VDAC2: variants seen among roughly 807,000 people sequenced by gnomAD.
VDAC2 encodes the protein non-selective voltage-gated ion channel VDAC2.
In VDAC2, 6 loss-of-function variants were observed where a neutral mutation model predicts 36.6. That is an observed-to-expected ratio of 0.16 (90% confidence interval 0.09 to 0.32). The LOEUF is 0.32. Among genes scored for constraint, VDAC2 ranks in the 10% least tolerant of loss-of-function variants. VDAC2 has a pLI of 1.00. For synonymous variants in VDAC2, 109 were observed against 123.8 expected (o/e 0.88, Z 0.79); for missense variants, 247 against 346.0 (o/e 0.71, Z 2.27).
chr10:75,211,242 T>C (rs1841409258), intron 2 of VDAC2, 53 bp downstream of exon 2: 1 of 1,598,482 alleles, frequency 6.3e-7, no homozygotes, highest in African/African-American at 1.3e-5. Flanking sequence ...TCGAAGCCTG[T>C]CGACCAGAAA....
chr10:75,227,768 G>A (rs1842000296), intron 8 of VDAC2, among the ~76,000 whole-genome samples: 1 of 151,280 alleles, frequency 6.6e-6, no homozygotes, highest in African/African-American at 2.4e-5. Context: ...TGTAGTTTTA[G>A]TAGAGACGGG....
chr10:75,220,829 C>G lies in VDAC2; in HGVS notation c.443C>G (p.Ala148Gly). 6.2e-7 allele frequency: 1 copy of G among 1,613,486 alleles called. No homozygotes were observed. The highest frequency in any genetic ancestry group is 8.5e-7 in the Non-Finnish European group (1 of 1,179,462). The change falls in exon 7 of 10, where the codon GCA becomes GGA. Residue 148 changes from alanine (A) to glycine (G), a missense_variant. This residue lies in a region of VDAC2 where 159 missense variants were observed against 234.0 expected (regional missense o/e 0.68). Coordinates refer to ENST00000332211, the MANE Select transcript of VDAC2 (RefSeq NM_001391963.1). ...GTTGACTTTGATTTTGCTGGACCTG[C>G]AATCCATGGTTCAGCTGTCTTTGGT... Reference protein sequence around the residue: ...CDVDFDFAGPAIHGSAVFGYE... With the variant: ...CDVDFDFAGPGIHGSAVFGYE...
intron 3 of VDAC2, among the ~76,000 whole-genome samples, chr10:75,213,359 C>T (rs1211628215): frequency 1.3e-5 from 2 of 152,192 alleles, no homozygotes; most frequent in African/African-American, 2.4e-5. Flanking sequence ...GGATTTCAGG[C>T]GTGGGCCACC....
chr10:75,217,879 ACT>A (rs1301006987), intron 4 of VDAC2: 1 of 1,259,300 alleles, frequency 7.9e-7, no homozygotes, highest in Non-Finnish European at 1.0e-6. Context: ...GATATTTCTC[ACT>A]CTACAGATAT....
At position 75,222,396 on chromosome 10, in the gene VDAC2, C is replaced by G. The variant is rs1471023434; in HGVS notation, c.729C>G (p.Ser243=). Residue 243 remains serine, a synonymous_variant, in exon 8 of 10, where the codon TCC becomes TCG. Transcript: ENST00000332211. ...AATATCAGTTGGATCCCACTGCTTC[C>G]ATTTCTGTGAGTACTTTTGTGGACT... The part of the protein sequence containing the change: ...AAKYQLDPTA[S]ISAKVNNSSL... The G allele has an allele frequency of 6.2e-7, 1 of 1,614,006 alleles. No individual in the cohort carries two copies. Among genetic ancestry groups the G allele is most frequent in the Non-Finnish European group, 8.5e-7 (1 of 1,179,966 alleles).
intron 7 of VDAC2, among the ~76,000 whole-genome samples, chr10:75,221,916 A>T (rs949832993): frequency 1.3e-5 from 2 of 152,260 alleles, no homozygotes; most frequent in Non-Finnish European, 2.9e-5. Context: ...AGCTAGGTAT[A>T]TAATCTTTGT....
At chr10:75,223,846 C>T (rs1841887100) in intron 8 of VDAC2, among the ~76,000 whole-genome samples, 1 of 152,118 alleles carries the variant, frequency 6.6e-6, no homozygotes, top group South Asian at 2.1e-4. Context: ...ATAATGAAGC[C>T]TCATGAAAAC....
At chr10:75,218,088 C>CA (rs879352648) in intron 4 of VDAC2, 73,797 of 258,804 alleles carry the variant, frequency 0.29, 6,568 homozygotes, top group East Asian at 0.43. Flanking sequence ...GATGCTGTCT[C>CA]AAAAAAAAAA....
intron 4 of VDAC2, among the ~76,000 whole-genome samples, chr10:75,217,536 C>T (rs999194084): frequency 6.6e-6 from 1 of 152,090 alleles, no homozygotes; most frequent in Non-Finnish European, 1.5e-5. Flanking sequence ...CACCACCATG[C>T]CCGGCTAATT....
At chr10:75,218,979 G>A (rs918921634) in intron 4 of VDAC2, 84 bp from the exon 5 acceptor site, 5 of 1,369,110 alleles carry the variant, frequency 3.7e-6, no homozygotes, top group Non-Finnish European at 3.0e-6. Context: ...TGTTTCAGGG[G>A]GTTTGTGTGT....
chr10:75,211,323 T>C (rs1841412496), intron 2 of VDAC2, 134 bp downstream of exon 2: 3 of 1,414,240 alleles, frequency 2.1e-6, no homozygotes, highest in Admixed American at 2.3e-5. Context: ...CCCCACCGTC[T>C]GACCACCTCC....
chr10:75,230,371 TG>T (rs1842068124), intron 9 of VDAC2, among the ~76,000 whole-genome samples: 1 of 152,204 alleles, frequency 6.6e-6, no homozygotes, highest in Non-Finnish European at 1.5e-5. Context: ...ATTTTATGTC[TG>T]AAACTTCACA....
chr10:75,227,397 G>C (rs1240843520), intron 8 of VDAC2, among the ~76,000 whole-genome samples: 1 of 152,078 alleles, frequency 6.6e-6, no homozygotes, highest in African/African-American at 2.4e-5. Flanking sequence ...TCTCTCTCCA[G>C]GTAGATAGTA....
intron 2 of VDAC2, chr10:75,211,614 G>T (rs1322973447): frequency 1.9e-6 from 3 of 1,550,446 alleles, no homozygotes; most frequent in East Asian, 4.9e-5. Context: ...CAGATTGCCT[G>T]CCCTTAAGCA....
intron 2 of VDAC2, 55 bp downstream of exon 2, chr10:75,211,244 GACCAGAA>G: frequency 6.3e-7 from 1 of 1,596,256 alleles, no homozygotes; most frequent in Non-Finnish European, 8.5e-7. Context: ...GAAGCCTGTC[GACCAGAA>G]ACCCAGTTTG....
intron 6 of VDAC2, among the ~76,000 whole-genome samples, chr10:75,220,498 T>C (rs1455783395): frequency 6.6e-6 from 1 of 152,230 alleles, no homozygotes; most frequent in African/African-American, 2.4e-5. Context: ...GGGCAACTAA[T>C]GTGTTTCTAA....
At position 75,231,061 on chromosome 10, in the gene VDAC2, A is replaced by G; in HGVS notation, c.*72A>G. The G allele has an allele frequency of 8.7e-7, 1 of 1,148,732 alleles. No individual in the cohort carries two copies. The highest frequency in any genetic ancestry group is 1.3e-6 in the Non-Finnish European group (1 of 795,558). The allele number at this position is 1,148,732 out of a possible 1,614,324, so 71.2% of individuals were successfully genotyped here. A position where few individuals can be genotyped will look rare whatever the true frequency, so the allele number is the denominator to read the frequency against. On this transcript the variant is annotated 3_prime_UTR_variant, in exon 10 of 10. Transcript: ENST00000332211. The stretch of plus-strand genomic sequence containing the variant: ...TTAATATATTTCCATTGTGACCAGC[A>G]GCAGGCTTTTTTCCCCCAAGAAGAT...
chr10:75,229,815 C>T (rs1023077029), intron 9 of VDAC2, 114 bp downstream of exon 9: 13 of 707,708 alleles, frequency 1.8e-5, no homozygotes, highest in Non-Finnish European at 2.2e-5. Flanking sequence ...AAGAAGAGTA[C>T]AATAAATACG....
intron 2 of VDAC2, chr10:75,211,494 C>T (rs1841418927): frequency 3.3e-6 from 5 of 1,531,158 alleles, no homozygotes; most frequent in Non-Finnish European, 4.4e-6. Flanking sequence ...TCGGATCAAT[C>T]ACTTTTCTAG....
Sources: gnomAD v4.1 joint callset for allele counts (sites outside exome capture counted in the v4.1 genomes callset) on GRCh38, gnomAD v4.1.1 for gene constraint, gnomAD v4.1.1 regional missense constraint, MANE v1.5 for transcripts, NCBI Gene and HGNC (gene_info 2026-07-23, HGNC 2026-07-21) for gene names.